Variants in PON3 observed in about 807,000 individuals in gnomAD.
PON3 encodes serum paraoxonase/lactonase 3.
PON3 carries 37 observed loss-of-function variants against 36.3 expected under a neutral mutation model. The ratio of observed to expected loss-of-function variants is 1.02; its 90% CI spans 0.78 to 1.34. PON3 has a LOEUF of 1.34. Ranked by LOEUF, PON3 falls within the 40% of genes most tolerant of loss-of-function variation. The pLI is 0.00. For synonymous variants in PON3, 155 were observed against 154.8 expected, an observed-to-expected ratio of 1.00 and a Z score of -0.01; for missense variants, 415 against 426.5, an observed-to-expected ratio of 0.97 and a Z score of 0.24.
intron 4 of PON3, among the ~76,000 whole-genome samples, chr7:95,370,819 C>A (rs1409554911): frequency 2.0e-5 from 3 of 152,198 alleles, no homozygotes; most frequent in Non-Finnish European, 4.4e-5. Flanking sequence ...AATTCACACA[C>A]CACTGAATTC....
chr7:95,394,141 G>A (rs1260124134), intron 2 of PON3, among the ~76,000 whole-genome samples: 3 of 151,952 alleles, frequency 2.0e-5, no homozygotes, highest in Admixed American at 6.6e-5. Flanking sequence ...CTCATGATCC[G>A]CCCCCCTCGG....
intron 2 of PON3, among the ~76,000 whole-genome samples, chr7:95,391,304 A>G (rs17882644): frequency 0.028 from 4,286 of 152,266 alleles, 114 homozygotes; most frequent in African/African-American, 0.068. Context: ...GGAAGAGAAG[A>G]TACGTAGGTA....
intron 8 of PON3, 96 bp downstream of exon 8, chr7:95,362,265 TA>T: frequency 4.6e-6 from 7 of 1,520,492 alleles, no homozygotes; most frequent in Non-Finnish European, 6.4e-6. Flanking sequence ...TTTAGTTCTA[TA>T]ACACCAAATG....
chr7:95,378,088 G>A (rs565290274), intron 3 of PON3, among the ~76,000 whole-genome samples: 3 of 152,216 alleles, frequency 2.0e-5, no homozygotes, highest in Admixed American at 6.5e-5. Context: ...TGAAAACCAA[G>A]GCATGAGAAC....
chr7:95,371,052 G>T lies in PON3; in HGVS notation c.367+1121C>A, dbSNP rs17881183. Among the ~76,000 whole-genome samples, 1,364 of 152,234 alleles carry T rather than the reference G, an allele frequency of 9.0e-3. 26 individuals are homozygous for T. The highest frequency in any genetic ancestry group is 0.032 in the African/African-American group (1,310 of 41,524). ...ATATAAATGGAATCACATAATGTGT[G>T]GCTTTTAGTGACTAAATTCCTTCAG... On this transcript the variant is annotated intron_variant, in intron 4 of 8. Transcript: ENST00000265627.
intron 3 of PON3, among the ~76,000 whole-genome samples, chr7:95,373,962 G>A (rs527575143): frequency 6.6e-6 from 1 of 152,254 alleles, no homozygotes; most frequent in African/African-American, 2.4e-5. Context: ...ATCAGCAGTG[G>A]CATTAAATTC....
At chr7:95,373,417 T>A (rs1808851278) in intron 3 of PON3, among the ~76,000 whole-genome samples, 1 of 152,188 alleles carries the variant, frequency 6.6e-6, no homozygotes, top group South Asian at 2.1e-4. Flanking sequence ...TATGTCCCAA[T>A]GTTGTCTGAG....
chr7:95,367,807 AG>A (rs1338521398), intron 4 of PON3, among the ~76,000 whole-genome samples: 1 of 152,246 alleles, frequency 6.6e-6, no homozygotes, highest in Non-Finnish European at 1.5e-5. Context: ...ATGCATAAAC[AG>A]GGATGTGGTT....
At chr7:95,376,576 T>C (rs1439141175) in intron 3 of PON3, among the ~76,000 whole-genome samples, 2 of 152,064 alleles carry the variant, frequency 1.3e-5, no homozygotes, top group Admixed American at 6.5e-5. Context: ...TCTCATAAAA[T>C]TATTTGTGAT....
intron 2 of PON3, among the ~76,000 whole-genome samples, chr7:95,391,493 T>C (rs930543479): frequency 5.3e-5 from 8 of 152,212 alleles, no homozygotes; most frequent in Non-Finnish European, 1.2e-4. Context: ...AAAAGATCTA[T>C]GAGATATGAT....
chr7:95,387,373 C>A (rs1366861799), intron 3 of PON3, among the ~76,000 whole-genome samples: 1 of 152,148 alleles, frequency 6.6e-6, no homozygotes, highest in Admixed American at 6.6e-5. Context: ...AGTGAACTCC[C>A]ATTCACAATT....
At chr7:95,365,898 G>A (rs1281373995) in intron 5 of PON3, 1 of 152,102 alleles carries the variant, frequency 6.6e-6, no homozygotes, top group Admixed American at 6.5e-5. Context: ...AAGGACACCA[G>A]TTCTACTGCA....
chr7:95,371,060 G>C (rs190549940), intron 4 of PON3, among the ~76,000 whole-genome samples: 40 of 152,284 alleles, frequency 2.6e-4, no homozygotes, highest in Admixed American at 1.5e-3. Flanking sequence ...GTGGCTTTTA[G>C]TGACTAAATT....
chr7:95,377,387 T>C (rs1224901438), intron 3 of PON3: 1 of 187,490 alleles, frequency 5.3e-6, no homozygotes, highest in Non-Finnish European at 1.1e-5. Flanking sequence ...GACCTAAACG[T>C]CCCTGTCTGA....
rs17883235 is a variant in PON3 at position 95,360,812 on chromosome 7, G to A, written c.907-681C>T. On this transcript the variant is annotated intron_variant, in intron 8 of 8. Coordinates refer to ENST00000265627, the MANE Select transcript of PON3 (RefSeq NM_000940.3). The stretch of plus-strand genomic sequence containing the variant: ...AAACAATTAGAAATTTATGAGTTAC[G>A]AGTCTATATTGATATCTCTTATTAG... Among the ~76,000 whole-genome samples the A allele has an allele frequency of 1.5e-3, 227 of 152,120 alleles. 1 individual carries two copies. The highest frequency in any genetic ancestry group is 6.8e-3 in the Middle Eastern group (2 of 294).
In PON3 at chr7:95,360,039, A is replaced by G. The variant is rs767402630; in HGVS notation, c.999T>C (p.Ala333=). 5 of 1,613,818 alleles carry G rather than the reference A, an allele frequency of 3.1e-6. No individual in the cohort carries two copies. The Admixed American group carries it at 8.3e-5, about 27-fold the overall frequency. The stretch of plus-strand genomic sequence containing the variant: ...TGAGAATTTTCCCATGGTACACAGA[A>G]GCCACAGAGGTGCCCTGAAGCACAG... The part of the protein sequence containing the change: ...NGSVLQGTSV[A]SVYHGKILIG... Residue 333 remains alanine, a synonymous_variant, in exon 9 of 9, where the codon GCT becomes GCC. Transcript: ENST00000265627.
intron 2 of PON3, among the ~76,000 whole-genome samples, chr7:95,393,826 G>C (rs565924105): frequency 3.3e-5 from 5 of 152,280 alleles, no homozygotes; most frequent in South Asian, 4.1e-4. Context: ...CAGTTTGAAA[G>C]GTTAGGGACT....
intron 3 of PON3, among the ~76,000 whole-genome samples, chr7:95,388,601 A>G (rs1254853499): frequency 6.6e-6 from 1 of 152,238 alleles, no homozygotes; most frequent in Admixed American, 6.5e-5. Context: ...ATATACCCAA[A>G]GGATTATAAA....
chr7:95,362,520 T>C (rs764516877), intron 7 of PON3, 30 bp from the exon 8 acceptor site: 3 of 1,612,970 alleles, frequency 1.9e-6, no homozygotes, highest in Admixed American at 3.3e-5. Context: ...AGTGAAGACA[T>C]TGTCTCAATG....
Sources: allele counts gnomAD v4.1 joint callset (sites outside exome capture counted in the v4.1 genomes callset), GRCh38; gene constraint gnomAD v4.1.1; transcripts MANE v1.5; gene names NCBI Gene and HGNC (gene_info 2026-07-23, HGNC 2026-07-21).